The following FHIT variants were observed in gnomAD, a reference collection of about 807,000 sequenced individuals.
FHIT encodes the protein fragile histidine triad diadenosine triphosphatase.
FHIT carries 19 observed loss-of-function variants against 17.9 expected under a neutral mutation model. The ratio of observed to expected loss-of-function variants is 1.06; its 90% CI spans 0.74 to 1.56. FHIT has a LOEUF of 1.56. Among genes scored for constraint, FHIT ranks in the 40% most tolerant of loss-of-function variants. The pLI is 0.00. For missense variants in FHIT, 248 were observed against 189.2 expected (o/e 1.31, Z -1.82); for synonymous variants, 81 against 69.7 (o/e 1.16, Z -0.81).
rs375632685 is a variant in FHIT, at chr3:61,154,262, A to G, written c.-164+46355T>C. Among the ~76,000 whole-genome samples, 31 of 152,298 alleles carry G rather than the reference A, an allele frequency of 2.0e-4. 1 individual carries two copies. The South Asian group carries it at 6.0e-3, about 30-fold the overall frequency. ...CCAGAATGATAGGACCATTTACACT[A>G]AATGAACCGAACATATTACTGGAGT... On this transcript the variant is annotated intron_variant, in intron 2 of 9. Transcript: ENST00000492590.
intron 4 of FHIT, among the ~76,000 whole-genome samples, chr3:60,706,089 C>T (rs752783082): frequency 5.3e-5 from 8 of 151,850 alleles, no homozygotes; most frequent in East Asian, 1.9e-4. Context: ...TAATAAGAGA[C>T]GGCACTACAT....
At chr3:59,944,064 A>AT (rs1011359861) in intron 7 of FHIT, among the ~76,000 whole-genome samples, 4 of 152,212 alleles carry the variant, frequency 2.6e-5, no homozygotes, top group African/African-American at 9.6e-5. Context: ...ATGATTTAAC[A>AT]TTTTTATTGG....
chr3:61,233,172 A>G (rs890831677), intron 1 of FHIT, among the ~76,000 whole-genome samples: 1 of 152,198 alleles, frequency 6.6e-6, no homozygotes, highest in African/African-American at 2.4e-5. Context: ...GGTCCTTAAA[A>G]CTGGCATATC....
chr3:60,631,962 G>C (rs374002578), intron 4 of FHIT, among the ~76,000 whole-genome samples: 17 of 152,070 alleles, frequency 1.1e-4, no homozygotes, highest in African/African-American at 3.9e-4. Context: ...TCTTCTACTG[G>C]GATTTAGAGA....
At chr3:60,243,323 G>C (rs1305855252) in intron 5 of FHIT, among the ~76,000 whole-genome samples, 1 of 152,072 alleles carries the variant, frequency 6.6e-6, no homozygotes, top group Non-Finnish European at 1.5e-5. Flanking sequence ...CACTCATAAA[G>C]CTAACATTCT....
At chr3:60,816,389 C>CTCT (rs1701740625) in intron 4 of FHIT, among the ~76,000 whole-genome samples, 1 of 151,858 alleles carries the variant, frequency 6.6e-6, no homozygotes, top group Admixed American at 6.6e-5. Flanking sequence ...TCATAGATGG[C>CTCT]TCTTATTATT....
chr3:60,719,438 A>G (rs1194933507), intron 4 of FHIT, among the ~76,000 whole-genome samples: 1 of 152,184 alleles, frequency 6.6e-6, no homozygotes, highest in African/African-American at 2.4e-5. Flanking sequence ...AGCCTGCTGT[A>G]TAACTCTCCA....
At chr3:60,902,451 G>A (rs1706168369) in intron 3 of FHIT, among the ~76,000 whole-genome samples, 1 of 152,154 alleles carries the variant, frequency 6.6e-6, no homozygotes. Context: ...AGGTCATGTG[G>A]TTTATAAAGG....
At chr3:60,119,030 A>T (rs1366754962) in intron 5 of FHIT, among the ~76,000 whole-genome samples, 1 of 136,782 alleles carries the variant, frequency 7.3e-6, no homozygotes, top group Non-Finnish European at 1.7e-5. Context: ...CAAAAACAAA[A>T]ACAAAAAAAA....
At chr3:60,445,374 C>T (rs143195104) in intron 5 of FHIT, among the ~76,000 whole-genome samples, 1 of 151,794 alleles carries the variant, frequency 6.6e-6, no homozygotes, top group South Asian at 2.1e-4. Context: ...TTACAGTGGT[C>T]TGTAGCTTTA....
chr3:59,988,991 A>C (rs1709108305), intron 7 of FHIT, among the ~76,000 whole-genome samples: 1 of 152,080 alleles, frequency 6.6e-6, no homozygotes, highest in Admixed American at 6.6e-5. Flanking sequence ...AGTATTTTTT[A>C]GATTCTCTAG....
chr3:60,502,179 G>C (rs1424616411), intron 5 of FHIT, among the ~76,000 whole-genome samples: 1 of 152,146 alleles, frequency 6.6e-6, no homozygotes, highest in Non-Finnish European at 1.5e-5. Flanking sequence ...TCTCAGTTAA[G>C]ACCTAAGATC....
chr3:59,949,077 T>C (rs1309594134), intron 7 of FHIT, among the ~76,000 whole-genome samples: 2 of 152,184 alleles, frequency 1.3e-5, no homozygotes, highest in African/African-American at 4.8e-5. Context: ...ATAGTCTATA[T>C]TGTTACCATC....
chr3:60,644,179 G>C (rs1193064241), intron 4 of FHIT, among the ~76,000 whole-genome samples: 2 of 152,154 alleles, frequency 1.3e-5, no homozygotes, highest in Non-Finnish European at 2.9e-5. Flanking sequence ...TTCTAGAATA[G>C]ACAGGTACTA....
At chr3:60,141,553 CAT>C (rs1356524918) in intron 5 of FHIT, among the ~76,000 whole-genome samples, 1 of 152,116 alleles carries the variant, frequency 6.6e-6, no homozygotes, top group African/African-American at 2.4e-5. Flanking sequence ...TCATCAAACT[CAT>C]ATAGAATTCC....
At chr3:60,428,452 C>T (rs1202063146) in intron 5 of FHIT, among the ~76,000 whole-genome samples, 4 of 152,110 alleles carry the variant, frequency 2.6e-5, no homozygotes, top group African/African-American at 9.7e-5. Context: ...TAAACTGAAT[C>T]AATGTCCTAC....
intron 4 of FHIT, among the ~76,000 whole-genome samples, chr3:60,780,779 C>T (rs1357781674): frequency 1.3e-5 from 2 of 152,074 alleles, no homozygotes; most frequent in African/African-American, 4.8e-5. Context: ...AGGGGGTCCC[C>T]GAAAAACCTC....
chr3:59,960,308 A>T (rs116549544), intron 7 of FHIT, among the ~76,000 whole-genome samples: 1,937 of 152,266 alleles, frequency 0.013, 47 homozygotes, highest in African/African-American at 0.044. Flanking sequence ...AAATGGATGG[A>T]TTTAAGAAAT....
At chr3:60,139,662 C>T (rs1699954459) in intron 5 of FHIT, among the ~76,000 whole-genome samples, 1 of 152,068 alleles carries the variant, frequency 6.6e-6, no homozygotes, top group African/African-American at 2.4e-5. Context: ...AGGGGCTATT[C>T]CACTTTGTAT....
Sources: gnomAD v4.1 joint callset for allele counts (sites outside exome capture counted in the v4.1 genomes callset) on GRCh38, gnomAD v4.1.1 for gene constraint, MANE v1.5 for transcripts, NCBI Gene and HGNC (gene_info 2026-07-23, HGNC 2026-07-21) for gene names.